The following MTUS2 variants were observed in gnomAD, a reference collection of about 807,000 sequenced individuals.
MTUS2 encodes microtubule associated scaffold protein 2.
A neutral mutation model predicts 114.1 loss-of-function variants in MTUS2; 40 were observed. That is an observed-to-expected ratio of 0.35 (90% CI 0.27 to 0.46). The LOEUF is 0.46. Among genes scored for constraint, MTUS2 ranks in the 20% least tolerant of loss-of-function variants. MTUS2 has a pLI of 1.00. For missense variants in MTUS2, 1,679 were observed against 1,705.4 expected (o/e 0.98, Z 0.27); for synonymous variants, 688 against 672.0 (o/e 1.02, Z -0.37).
chr13:28,916,066 C>T (rs1880728768), intron 2 of MTUS2, among the ~76,000 whole-genome samples: 1 of 151,638 alleles, frequency 6.6e-6, no homozygotes, highest in Non-Finnish European at 1.5e-5. Flanking sequence ...TTTTTTCCCC[C>T]ATTGTATGTT....
chr13:29,457,141 CAA>C (rs771743973), intron 9 of MTUS2, among the ~76,000 whole-genome samples: 2,561 of 89,476 alleles, frequency 0.029, 70 homozygotes, highest in African/African-American at 0.088. Flanking sequence ...AGACTCCATT[CAA>C]AAAAAAAAAA....
At chr13:29,254,683 A>C (rs1428077335) in intron 5 of MTUS2, among the ~76,000 whole-genome samples, 2 of 152,262 alleles carry the variant, frequency 1.3e-5, no homozygotes, top group Non-Finnish European at 2.9e-5. Context: ...CTCCCATCTC[A>C]TAAACCTCCA....
At chr13:28,904,238 T>G (rs1174123353) in intron 2 of MTUS2, among the ~76,000 whole-genome samples, 7 of 152,198 alleles carry the variant, frequency 4.6e-5, no homozygotes. Flanking sequence ...GTAGTTTCTT[T>G]TGCTGTGCAG....
At chr13:29,389,412 T>C (rs1305494919) in intron 8 of MTUS2, among the ~76,000 whole-genome samples, 1 of 69,140 alleles carries the variant, frequency 1.4e-5, no homozygotes, top group Non-Finnish European at 2.8e-5. Context: ...TGTATACACG[T>C]GTGTGTGTAT....
chr13:29,395,575 A>T (rs1395245882), intron 8 of MTUS2, among the ~76,000 whole-genome samples: 1 of 152,212 alleles, frequency 6.6e-6, no homozygotes, highest in Non-Finnish European at 1.5e-5. Flanking sequence ...GCAAAGTCAC[A>T]GCCAGGGTTT....
intron 9 of MTUS2, among the ~76,000 whole-genome samples, chr13:29,461,655 C>CAGATATTCTCACTGGT (rs1879507009): frequency 6.6e-6 from 1 of 152,002 alleles, no homozygotes; most frequent in African/African-American, 2.4e-5. Context: ...CAGAGTTCTC[C>CAGATATTCTCACTGGT]AGAATATCAG....
At chr13:29,447,678 G>T (rs918873799) in intron 9 of MTUS2, among the ~76,000 whole-genome samples, 1 of 150,156 alleles carries the variant, frequency 6.7e-6, no homozygotes, top group African/African-American at 2.5e-5. Context: ...CATGGGTGAT[G>T]GCTCTTGTCT....
chr13:28,847,901 G>A (rs568950600), intron 2 of MTUS2, among the ~76,000 whole-genome samples: 2 of 152,312 alleles, frequency 1.3e-5, no homozygotes, highest in East Asian at 3.9e-4. Context: ...GGAAGGAGGG[G>A]AGTAGCTAGG....
At chr13:28,985,342 A>T (rs773432741) in intron 2 of MTUS2, among the ~76,000 whole-genome samples, 3 of 152,202 alleles carry the variant, frequency 2.0e-5, no homozygotes, top group Non-Finnish European at 4.4e-5. Context: ...CCACAGTGTC[A>T]TAGGTTCATT....
At chr13:29,054,309 A>G in intron 4 of MTUS2, among the ~76,000 whole-genome samples, 1 of 152,262 alleles carries the variant, frequency 6.6e-6, no homozygotes, top group East Asian at 1.9e-4. Flanking sequence ...TATATATTCT[A>G]AATACAAGTT....
chr13:28,938,155 C>T (rs1048175024), intron 2 of MTUS2, among the ~76,000 whole-genome samples: 14 of 152,098 alleles, frequency 9.2e-5, no homozygotes, highest in African/African-American at 2.9e-4. Context: ...GAGGCCAAGG[C>T]GAGCGGATCA....
At chr13:29,194,997 A>C in intron 5 of MTUS2, among the ~76,000 whole-genome samples, 1 of 150,590 alleles carries the variant, frequency 6.6e-6, no homozygotes, top group Non-Finnish European at 1.5e-5. Flanking sequence ...TCGCAAGAAC[A>C]AAAAACCAAA....
chr13:29,300,033 A>G (rs1021687319), intron 6 of MTUS2, among the ~76,000 whole-genome samples: 3 of 152,212 alleles, frequency 2.0e-5, no homozygotes, highest in Non-Finnish European at 4.4e-5. Context: ...TCAGGGTGCT[A>G]TTTAGCTATT....
intron 5 of MTUS2, among the ~76,000 whole-genome samples, chr13:29,188,319 A>G (rs770800117): frequency 4.6e-5 from 7 of 152,212 alleles, no homozygotes; most frequent in Non-Finnish European, 1.0e-4. Context: ...TGATTTAAAT[A>G]TAAATTATAC....
intron 5 of MTUS2, among the ~76,000 whole-genome samples, chr13:29,221,393 T>C (rs913996755): frequency 6.6e-6 from 1 of 152,270 alleles, no homozygotes; most frequent in Non-Finnish European, 1.5e-5. Flanking sequence ...ATAGTTGTTA[T>C]TCCCAGACTT....
intron 2 of MTUS2, among the ~76,000 whole-genome samples, chr13:29,013,090 G>T (rs1478240195): frequency 6.6e-6 from 1 of 152,196 alleles, no homozygotes; most frequent in East Asian, 1.9e-4. Flanking sequence ...CAGCTCTTGA[G>T]GTGCCAGTTG....
At position 29,503,247 on chromosome 13, in the gene MTUS2, C is replaced by CAGGGTGGAGACCGGAGGA; in HGVS notation, c.*41_*42insAGGGTGGAGACCGGAGGA. On this transcript the variant is annotated 3_prime_UTR_variant, in exon 16 of 16. Coordinates refer to ENST00000612955, the MANE Select transcript of MTUS2 (RefSeq NM_001033602.4). Reference sequence around the variant, plus strand: ...TGCGGGAGCTCCGGCTTCTCGTCCTCCGGTCTCCACCCTGAGGGAGCACCG... The same window carrying CAGGGTGGAGACCGGAGGA: ...TGCGGGAGCTCCGGCTTCTCGTCCTCAGGGTGGAGACCGGAGGACGGTCTCCACCCTGAGGGAGCACCG... The CAGGGTGGAGACCGGAGGA allele has an allele frequency of 6.2e-7, 1 of 1,604,870 alleles. No homozygotes were observed.
chr13:28,855,420 C>G (rs141674260), intron 2 of MTUS2, among the ~76,000 whole-genome samples: 2 of 152,158 alleles, frequency 1.3e-5, no homozygotes, highest in Admixed American at 6.5e-5. Context: ...TCTCCCTCCC[C>G]CTAGACTGCC....
intron 6 of MTUS2, among the ~76,000 whole-genome samples, chr13:29,317,380 G>T: frequency 6.6e-6 from 1 of 151,842 alleles, no homozygotes; most frequent in South Asian, 2.1e-4. Context: ...CTTTCCTCTA[G>T]TCCTTGCATC....
Sources: gnomAD v4.1 joint callset for allele counts (sites outside exome capture counted in the v4.1 genomes callset) on GRCh38, gnomAD v4.1.1 for gene constraint, MANE v1.5 for transcripts, NCBI Gene and HGNC (gene_info 2026-07-23, HGNC 2026-07-21) for gene names.